MPV17: variants seen among roughly 807,000 people sequenced by gnomAD.
MPV17 encodes mitochondrial inner membrane protein MPV17, also known as MPV17, mitochondrial inner membrane protein.
In MPV17, 31 loss-of-function variants were observed where a neutral mutation model predicts 28.6. The ratio of observed to expected loss-of-function variants is 1.08; its 90% CI spans 0.81 to 1.46. MPV17 has a LOEUF of 1.46. MPV17 is among the 40% of genes most tolerant of loss of function. The probability of loss-of-function intolerance (pLI) is 0.00; values close to 1 mark genes in which losing one functional copy is unlikely to be tolerated. For synonymous variants in MPV17, 87 were observed against 85.3 expected (o/e 1.02, Z -0.11); for missense variants, 198 against 216.2 (o/e 0.92, Z 0.53).
In MPV17 at chr2:27,313,034, C is replaced by G; in HGVS notation, c.146G>C (p.Gly49Ala). The change falls in exon 3 of 8, where the codon GGC becomes GCC. Residue 49 changes from glycine to alanine, a missense_variant. Gly to Ala is a moderately conservative substitution (Grantham distance 60). Coordinates refer to ENST00000380044, the MANE Select transcript of MPV17 (RefSeq NM_002437.5). ...ERRGLQEHQR[G>A]RTLTMVSLGC... is the part of the protein sequence containing the mutation. ...CAGGGACACCATGGTCAGAGTCCGG[C>G]CTCTCTGGTGTTCCTGCAGACCCCG... The G allele has an allele frequency of 1.2e-6, 2 of 1,614,216 alleles. No homozygotes were observed. Among genetic ancestry groups the G allele is most frequent in the Non-Finnish European group, 1.7e-6 (2 of 1,180,034 alleles).
At chr2:27,311,586 C>T in intron 7 of MPV17, 4 of 1,550,442 alleles carry the variant, frequency 2.6e-6, no homozygotes, top group Non-Finnish European at 3.5e-6. Context: ...CTAACCTAGG[C>T]TGCAGCACCC....
intron 7 of MPV17, 101 bp from the exon 8 acceptor site, chr2:27,310,082 G>T (rs1679372559): frequency 4.3e-6 from 4 of 923,976 alleles, no homozygotes; most frequent in Non-Finnish European, 7.1e-6. Flanking sequence ...CATGACAAAG[G>T]ATTGGCAGGT....
intron 7 of MPV17, chr2:27,311,042 C>CG (rs1679419587): frequency 1.4e-5 from 1 of 70,554 alleles, no homozygotes; most frequent in Non-Finnish European, 2.5e-5. Context: ...TGTGTCCAGC[C>CG]TTTTTTTTTT....
At chr2:27,311,561 G>A (rs924844396) in intron 7 of MPV17, 25 of 1,548,420 alleles carry the variant, frequency 1.6e-5, no homozygotes, top group Non-Finnish European at 2.0e-5. Flanking sequence ...TTGGCCTTCT[G>A]GTCTACCTCT....
chr2:27,313,163 C>G (rs1241390089), intron 2 of MPV17, 54 bp from the exon 3 acceptor site: 5 of 1,613,144 alleles, frequency 3.1e-6, no homozygotes, highest in Non-Finnish European at 4.2e-6. Context: ...GGCTGCCATT[C>G]CAAGGAGGGA....
rs187496263 is a variant in MPV17, at chr2:27,312,282, G to A, written c.376-36C>T. On this transcript the variant is annotated intron_variant, in intron 5 of 7. Coordinates refer to ENST00000380044, the MANE Select transcript of MPV17 (RefSeq NM_002437.5). ...AGAGAAGGAACAAATTAACACTTGC[G>A]CCTCCAAGCAGCTCCCACTTCCCAG... 337 of 1,611,042 alleles carry A rather than the reference G, an allele frequency of 2.1e-4. No homozygotes were observed. In the Admixed American group the frequency reaches 4.7e-3, roughly 23 times the overall value.
intron 2 of MPV17, among the ~76,000 whole-genome samples, chr2:27,319,897 G>A (rs1405995240): frequency 1.3e-5 from 2 of 148,718 alleles, no homozygotes; most frequent in East Asian, 4.0e-4. Context: ...CCACTCTCCA[G>A]CCTGGGTAAC....
intron 2 of MPV17, among the ~76,000 whole-genome samples, chr2:27,320,599 G>T (rs1019691373): frequency 2.0e-5 from 3 of 152,176 alleles, no homozygotes; most frequent in African/African-American, 7.2e-5. Context: ...GTCCCAAAGT[G>T]CTGGGATTAC....
intron 2 of MPV17, among the ~76,000 whole-genome samples, chr2:27,320,335 TTTG>T (rs1679811577): frequency 6.6e-6 from 1 of 151,348 alleles, no homozygotes; most frequent in Non-Finnish European, 1.5e-5. Flanking sequence ...AGATTTTTTT[TTTG>T]TTGATTTTTT....
chr2:27,314,641 T>C (rs1679582482), intron 2 of MPV17, among the ~76,000 whole-genome samples: 1 of 152,224 alleles, frequency 6.6e-6, no homozygotes, highest in South Asian at 2.1e-4. Context: ...CAGTCCATTA[T>C]GGTGGTGTGA....
At chr2:27,314,623 A>G (rs1679581868) in intron 2 of MPV17, among the ~76,000 whole-genome samples, 1 of 152,232 alleles carries the variant, frequency 6.6e-6, no homozygotes, top group Non-Finnish European at 1.5e-5. Flanking sequence ...CACTGTTTAC[A>G]GAGCCCCCAG....
Position 27,313,038 on chromosome 2 carries a change from T to C in MPV17, c.142A>G (p.Arg48Gly). 1 of 1,614,200 alleles carries C rather than the reference T, an allele frequency of 6.2e-7. No individual in the cohort carries two copies. The highest frequency in any genetic ancestry group is 8.5e-7 in the Non-Finnish European group (1 of 1,180,036). Reference sequence around the variant, plus strand: ...GACACCATGGTCAGAGTCCGGCCTCTCTGGTGTTCCTGCAGACCCCGCCTC... The same window carrying C: ...GACACCATGGTCAGAGTCCGGCCTCCCTGGTGTTCCTGCAGACCCCGCCTC... The part of the protein sequence containing the change: ...VERRGLQEHQ[R>G]GRTLTMVSLG... Residue 48 changes from arginine to glycine, a missense_variant, in exon 3 of 8, where the codon AGA becomes GGA. By Grantham distance (125) the Arg-to-Gly change is moderately radical (BLOSUM62 -2). Coordinates refer to ENST00000380044, the MANE Select transcript of MPV17 (RefSeq NM_002437.5).
At chr2:27,313,815 G>A (rs1679549830) in intron 2 of MPV17, among the ~76,000 whole-genome samples, 1 of 152,032 alleles carries the variant, frequency 6.6e-6, no homozygotes, top group African/African-American at 2.4e-5. Flanking sequence ...CGATTCAAGC[G>A]ATTCCCCTGC....
chr2:27,311,534 T>C, intron 7 of MPV17: 2 of 1,481,310 alleles, frequency 1.4e-6, no homozygotes, highest in South Asian at 1.2e-5. Context: ...ATTGTGAGTG[T>C]CTGACCAGGC....
rs755647054 is a variant in MPV17, at chr2:27,322,440, A to C, written c.70+8T>G. ...CTGGTCCCACTCAAGTCCTAGAGGG[A>C]CACTCACCAGCTGTCAGGACCTGTA... On this transcript the variant is annotated splice_region_variant and intron_variant, in intron 2 of 7. Coordinates refer to ENST00000380044, the MANE Select transcript of MPV17 (RefSeq NM_002437.5). 4 of 1,613,320 alleles carry C rather than the reference A, an allele frequency of 2.5e-6. No homozygotes were observed. The African/African-American group carries it at 5.3e-5, about 22-fold the overall frequency.
At chr2:27,322,693 G>A in intron 1 of MPV17, 171 bp from the exon 2 acceptor site, 1 of 626,474 alleles carries the variant, frequency 1.6e-6, no homozygotes, top group Non-Finnish European at 2.8e-6. Flanking sequence ...CGCAGGAGTC[G>A]CCTTAGACAA....
In MPV17 at chr2:27,322,452, T is replaced by A. The variant is rs1679895614; in HGVS notation, c.66A>T (p.Thr22=). The change falls in exon 2 of 8, where the codon ACA becomes ACT. Residue 22 remains threonine, a synonymous_variant. Coordinates refer to ENST00000380044, the MANE Select transcript of MPV17 (RefSeq NM_002437.5). ...AAHPWKVQVL[T]AGSLMGLGDI... ...AAGTCCTAGAGGGACACTCACCAGC[T>A]GTCAGGACCTGTACTTTCCACGGGT... The A allele has an allele frequency of 6.2e-7, 1 of 1,614,008 alleles. No individual in the cohort carries two copies. The highest frequency in any genetic ancestry group is 2.2e-5 in the East Asian group (1 of 44,880).
Position 27,310,001 on chromosome 2 carries a change from CAATGAA to C in MPV17, c.462-26_462-21del, listed in dbSNP as rs1558597032. ...GCCAACCTAAGGAACAGGAATAACA[CAATGAA>C]GAGGAGGAAGGCTAAGCAGTGAGCA... On this transcript the variant is annotated intron_variant, in intron 7 of 7. Coordinates refer to ENST00000380044, the MANE Select transcript of MPV17 (RefSeq NM_002437.5). 1.9e-6 allele frequency: 3 copies of C among 1,602,900 alleles called. No homozygotes were observed. The African/African-American group carries it at 4.0e-5, about 21-fold the overall frequency.
intron 7 of MPV17, among the ~76,000 whole-genome samples, chr2:27,310,816 C>G (rs1000249446): frequency 6.6e-6 from 1 of 152,162 alleles, no homozygotes; most frequent in African/African-American, 2.4e-5. Flanking sequence ...AAGATCTTGG[C>G]TCACTGCAAC....
Sources: allele counts gnomAD v4.1 joint callset (sites outside exome capture counted in the v4.1 genomes callset), GRCh38; gene constraint gnomAD v4.1.1; transcripts MANE v1.5; gene names NCBI Gene and HGNC (gene_info 2026-07-23, HGNC 2026-07-21).